The following ARHGEF33 variants were observed in gnomAD, a reference collection of about 807,000 sequenced individuals.
The protein encoded by ARHGEF33 is DH and coiled-coil domain-containing protein ENSP00000381780.
A neutral mutation model predicts 101.9 loss-of-function variants in ARHGEF33; 72 were observed. That is an observed-to-expected ratio of 0.71 (90% CI 0.58 to 0.86). The LOEUF (loss-of-function observed/expected upper bound fraction) is 0.86, where lower values mean the gene tolerates loss of function less well. Ranked by LOEUF, ARHGEF33 falls within the 40% of genes least tolerant of loss-of-function variation. The pLI is 0.00. For missense variants in ARHGEF33, 1,169 were observed against 1,111.3 expected (o/e 1.05, Z -0.74); for synonymous variants, 499 against 442.5 (o/e 1.13, Z -1.60).
chr2:38,915,076 T>C (rs1666602777), intron 2 of ARHGEF33, among the ~76,000 whole-genome samples: 1 of 152,118 alleles, frequency 6.6e-6, no homozygotes, highest in African/African-American at 2.4e-5. Flanking sequence ...GATCTTGAAC[T>C]CCTGGCCTCA....
At chr2:38,960,677 G>C (rs1208436703) in intron 16 of ARHGEF33, 29 bp downstream of exon 16, 2 of 1,358,046 alleles carry the variant, frequency 1.5e-6, no homozygotes, top group African/African-American at 3.1e-5. Flanking sequence ...GAAACCCACA[G>C]CGTCGACGGC....
rs77136793 is a variant in ARHGEF33 at position 38,942,168 on chromosome 2, T to C, written c.791-1733T>C. On this transcript the variant is annotated intron_variant, in intron 9 of 17. Transcript: ENST00000409978. ...TCTTCAATACATCTCTCCTTTCTTTTTTTTTTTTTTTTTTTTGAGACAGAG... is the reference window on the plus strand; with the variant it reads ...TCTTCAATACATCTCTCCTTTCTTTCTTTTTTTTTTTTTTTTGAGACAGAG... Among the ~76,000 whole-genome samples, 66 of 144,536 alleles carry C rather than the reference T, an allele frequency of 4.6e-4. 1 individual carries two copies. In the South Asian group the frequency reaches 0.013, roughly 28 times the overall value. The allele number at this position is 144,536 out of a possible 152,430, so 94.8% of individuals were successfully genotyped here.
chr2:38,937,065 G>C (rs1437700184), intron 8 of ARHGEF33: 1 of 252,868 alleles, frequency 4.0e-6, no homozygotes, highest in African/African-American at 2.4e-5. Flanking sequence ...GGCGATCTCG[G>C]CTCACTGCAA....
intron 15 of ARHGEF33, 35 bp downstream of exon 15, chr2:38,958,233 A>T: frequency 6.5e-7 from 1 of 1,549,728 alleles, no homozygotes; most frequent in Non-Finnish European, 8.7e-7. Flanking sequence ...GTTAATGCCA[A>T]TGCCTTTGGG....
chr2:38,895,974 T>C (rs924120595), intron 2 of ARHGEF33, 125 bp downstream of exon 2: 18 of 152,198 alleles, frequency 1.2e-4, no homozygotes, highest in Admixed American at 4.6e-4. Context: ...TTTATAACCA[T>C]TCTTGGTTTG....
chr2:38,912,306 C>T (rs1010119846), intron 2 of ARHGEF33, among the ~76,000 whole-genome samples: 4 of 152,108 alleles, frequency 2.6e-5, no homozygotes, highest in African/African-American at 7.2e-5. Flanking sequence ...CTATCAAGGG[C>T]ACAGTGAAGA....
chr2:38,900,995 A>G (rs1666226046), intron 2 of ARHGEF33, among the ~76,000 whole-genome samples: 1 of 152,124 alleles, frequency 6.6e-6, no homozygotes, highest in Non-Finnish European at 1.5e-5. Context: ...AAATCCCACA[A>G]GAAAACCAGA....
intron 9 of ARHGEF33, among the ~76,000 whole-genome samples, chr2:38,938,463 C>T (rs895793129): frequency 6.6e-6 from 1 of 152,204 alleles, no homozygotes; most frequent in Non-Finnish European, 1.5e-5. Context: ...CACTTGAGCT[C>T]AGGAGGTCGA....
intron 17 of ARHGEF33, among the ~76,000 whole-genome samples, chr2:38,972,515 A>G (rs1227917064): frequency 6.6e-6 from 1 of 152,228 alleles, no homozygotes; most frequent in Non-Finnish European, 1.5e-5. Flanking sequence ...GTGGGCGGCT[A>G]TGGCTTCATC....
At chr2:38,894,759 A>G (rs1410583914) in intron 1 of ARHGEF33, among the ~76,000 whole-genome samples, 1 of 152,188 alleles carries the variant, frequency 6.6e-6, no homozygotes, top group Admixed American at 6.5e-5. Flanking sequence ...ATGGGTAGAA[A>G]TCTAGTCTCA....
intron 10 of ARHGEF33, among the ~76,000 whole-genome samples, chr2:38,947,778 AAACTCCAGTGCTGTGTCCACCAAGAGCTC>A (rs1438837810): frequency 6.6e-6 from 1 of 152,106 alleles, no homozygotes; most frequent in East Asian, 1.9e-4. Flanking sequence ...CTTGTAAGCT[AAACTCCAGTGCTGTGTCCACCAAGAGCTC>A]AACAAGCTTC....
chr2:38,899,621 A>G (rs1376467100), intron 2 of ARHGEF33, among the ~76,000 whole-genome samples: 2 of 152,148 alleles, frequency 1.3e-5, no homozygotes, highest in Admixed American at 6.5e-5. Flanking sequence ...CAGGAGGAAT[A>G]CATTTTTGAG....
intron 1 of ARHGEF33, among the ~76,000 whole-genome samples, chr2:38,891,168 A>G (rs1665988594): frequency 6.6e-6 from 1 of 151,932 alleles, no homozygotes; most frequent in Admixed American, 6.6e-5. Context: ...TCCTGATCTC[A>G]AGCAGTCCTC....
intron 7 of ARHGEF33, among the ~76,000 whole-genome samples, chr2:38,933,020 C>T (rs1667041771): frequency 6.6e-6 from 1 of 152,226 alleles, no homozygotes; most frequent in Non-Finnish European, 1.5e-5. Flanking sequence ...GGCTTATCCA[C>T]TGTTGATAAA....
chr2:38,951,040 T>TCAC lies in ARHGEF33; in HGVS notation c.973_975dup (p.His325dup). ...TCGTCCAGCAGCACCTGGATCTGCT[T>TCAC]CACGCACTGCAGGAAAGGGTCCTGA... On this transcript the variant is annotated inframe_insertion, in exon 11 of 18. Coordinates refer to ENST00000409978, the MANE Select transcript of ARHGEF33 (RefSeq NM_001145451.5). The TCAC allele has an allele frequency of 6.4e-7, 1 of 1,552,204 alleles. No homozygotes were observed. Among genetic ancestry groups the TCAC allele is most frequent in the South Asian group, 1.2e-5 (1 of 84,066 alleles).
At chr2:38,897,591 A>G (rs1048446800) in intron 2 of ARHGEF33, among the ~76,000 whole-genome samples, 12 of 152,228 alleles carry the variant, frequency 7.9e-5, no homozygotes, top group African/African-American at 2.9e-4. Flanking sequence ...TCCCAGTAAG[A>G]AAATGAACCT....
At chr2:38,939,457 G>A (rs189670346) in intron 9 of ARHGEF33, among the ~76,000 whole-genome samples, 6 of 152,288 alleles carry the variant, frequency 3.9e-5, no homozygotes, top group Non-Finnish European at 5.9e-5. Context: ...ATGTTTGAGA[G>A]CCCAGTTGCT....
intron 3 of ARHGEF33, among the ~76,000 whole-genome samples, chr2:38,920,472 A>G (rs1314771591): frequency 1.5e-5 from 2 of 131,072 alleles, no homozygotes; most frequent in Non-Finnish European, 3.0e-5. Context: ...CAATGGCACG[A>G]TCTCAACTCA....
intron 1 of ARHGEF33, among the ~76,000 whole-genome samples, chr2:38,891,040 C>A (rs1188420555): frequency 1.3e-5 from 2 of 151,066 alleles, no homozygotes; most frequent in Admixed American, 1.3e-4. Context: ...TCAAGCAATC[C>A]TCCCACCTCA....
Sources: gnomAD v4.1 joint callset for allele counts (sites outside exome capture counted in the v4.1 genomes callset) on GRCh38, gnomAD v4.1.1 for gene constraint, MANE v1.5 for transcripts, NCBI Gene and HGNC (gene_info 2026-07-23, HGNC 2026-07-21) for gene names.